DCDC2C: variants seen among roughly 807,000 people sequenced by gnomAD.
DCDC2C encodes the protein doublecortin domain-containing protein 2C.
Under a neutral mutation model 45.0 loss-of-function variants are expected in DCDC2C, and 44 were observed. The ratio of observed to expected loss-of-function variants is 0.98; its 90% CI spans 0.77 to 1.26. The LOEUF (loss-of-function observed/expected upper bound fraction) is 1.26, where lower values mean the gene tolerates loss of function less well. Among genes scored for constraint, DCDC2C ranks in the 50% most tolerant of loss-of-function variants. The pLI is 0.00. For missense variants in DCDC2C, 447 were observed against 468.9 expected (o/e 0.95, Z 0.43); for synonymous variants, 187 against 178.8 (o/e 1.05, Z -0.37).
At chr2:3,792,808 GA>G (rs1670853973) in intron 10 of DCDC2C, among the ~76,000 whole-genome samples, 1 of 152,140 alleles carries the variant, frequency 6.6e-6, no homozygotes, top group Admixed American at 6.6e-5. Flanking sequence ...GCAATTTAAG[GA>G]AAGAAAATCA....
At chr2:3,718,197 G>A (rs1668397787) in intron 2 of DCDC2C, among the ~76,000 whole-genome samples, 1 of 152,208 alleles carries the variant, frequency 6.6e-6, no homozygotes, top group East Asian at 1.9e-4. Context: ...AGCAGTGATT[G>A]AGTACTTACG....
At chr2:3,789,250 C>A (rs1367733345) in intron 10 of DCDC2C, among the ~76,000 whole-genome samples, 5 of 152,172 alleles carry the variant, frequency 3.3e-5, no homozygotes, top group Non-Finnish European at 2.9e-5. Context: ...AACTGCCAAG[C>A]ACCACACAAA....
In DCDC2C at chr2:3,785,082, T is replaced by C; in HGVS notation, c.1047T>C (p.Cys349=). 6 of 1,231,758 alleles carry C rather than the reference T, an allele frequency of 4.9e-6. No individual in the cohort carries two copies. The highest frequency in any genetic ancestry group is 6.1e-6 in the Non-Finnish European group (6 of 987,962). The allele number at this position is 1,231,758 out of a possible 1,614,324, so 76.3% of individuals were successfully genotyped here. The change falls in exon 10 of 11, where the codon TGT becomes TGC. Residue 349 remains cysteine (C), a synonymous_variant. Transcript: ENST00000399143. ...GNKDKEDARL[C]EDVERKMARE... Reference sequence around the variant, plus strand: ...AGGATAAAGAAGATGCAAGGCTTTGTGAAGACGTTGAAAGAAAGGTTTGTA... The same window carrying C: ...AGGATAAAGAAGATGCAAGGCTTTGCGAAGACGTTGAAAGAAAGGTTTGTA...
chr2:3,712,729 G>A (rs1668248076), intron 2 of DCDC2C, among the ~76,000 whole-genome samples: 1 of 152,094 alleles, frequency 6.6e-6, no homozygotes, highest in Non-Finnish European at 1.5e-5. Context: ...GGACTTCATG[G>A]GTTTCTTTGT....
intron 10 of DCDC2C, among the ~76,000 whole-genome samples, chr2:3,843,769 CT>C (rs1429530565): frequency 6.6e-6 from 1 of 152,162 alleles, no homozygotes; most frequent in Non-Finnish European, 1.5e-5. Context: ...TTCCCTGTGA[CT>C]TTTCAATTTT....
chr2:3,725,652 C>T lies in DCDC2C; in HGVS notation c.340-1351C>T, dbSNP rs113081651. ...GTGACGAGGATGGCCAGGTGGATCCCGGAGGGAGATGAGCAGAGAGTGAGG... is the reference window on the plus strand; with the variant it reads ...GTGACGAGGATGGCCAGGTGGATCCTGGAGGGAGATGAGCAGAGAGTGAGG... On this transcript the variant is annotated intron_variant, in intron 2 of 10. Coordinates refer to ENST00000399143, the MANE Select transcript of DCDC2C (RefSeq NM_001287444.2). Among the ~76,000 whole-genome samples the T allele has an allele frequency of 3.1e-3, 447 of 144,590 alleles. 7 individuals carry two copies. The highest frequency in any genetic ancestry group is 0.011 in the African/African-American group (414 of 38,206). 94.9% of individuals were successfully genotyped at this position (144,590 alleles called of 152,430 possible).
chr2:3,767,885 C>T lies in DCDC2C; in HGVS notation c.853+5C>T, dbSNP rs144678527. ...CTTTAGTCCAAAGGGGTGCAGGTGA[C>T]GTGCAGTTTCATTCTGCTGTAGGCA... On this transcript the variant is annotated splice_donor_5th_base_variant and intron_variant, in intron 7 of 10. Transcript: ENST00000399143. The T allele has an allele frequency of 4.2e-3, 6,340 of 1,501,338 alleles. 17 individuals carry two copies. The highest frequency in any genetic ancestry group is 4.9e-3 in the Non-Finnish European group (5,553 of 1,129,370). 93.0% of individuals were successfully genotyped at this position (1,501,338 alleles called of 1,614,324 possible). A position where few individuals can be genotyped will look rare whatever the true frequency, so the allele number is the denominator to read the frequency against.
At chr2:3,753,747 C>T (rs1669609712) in intron 5 of DCDC2C, among the ~76,000 whole-genome samples, 1 of 152,046 alleles carries the variant, frequency 6.6e-6, no homozygotes, top group Admixed American at 6.5e-5. Flanking sequence ...CCACTGAGGG[C>T]GCAGCGTCCG....
intron 6 of DCDC2C, among the ~76,000 whole-genome samples, chr2:3,766,748 A>G (rs1244997274): frequency 1.3e-5 from 2 of 152,228 alleles, no homozygotes; most frequent in Non-Finnish European, 2.9e-5. Flanking sequence ...TTCAGCCTGC[A>G]TTCACTTCCA....
chr2:3,721,184 G>A (rs2148062068), intron 2 of DCDC2C, among the ~76,000 whole-genome samples: 1 of 152,164 alleles, frequency 6.6e-6, no homozygotes, highest in South Asian at 2.1e-4. Flanking sequence ...TTCTCAAAGA[G>A]CCAGCTTTTG....
At chr2:3,750,623 T>C (rs1217918518) in intron 4 of DCDC2C, among the ~76,000 whole-genome samples, 2 of 152,164 alleles carry the variant, frequency 1.3e-5, no homozygotes, top group Admixed American at 6.5e-5. Flanking sequence ...CCGGGCGGTA[T>C]GGCCAGGTCT....
Position 3,710,703 on chromosome 2 carries a change from T to C in DCDC2C, c.339+2103T>C, listed in dbSNP as rs73140862. 7.2e-3 allele frequency among the ~76,000 whole-genome samples: 1,101 copies of C among 152,316 alleles called. 7 individuals are homozygous for C. The highest frequency in any genetic ancestry group is 0.025 in the African/African-American group (1,030 of 41,552). ...TTTACACCCATGAGTACCTACTGTT[T>C]AGTTCCCACTTACAGGTGAGAACAT... On this transcript the variant is annotated intron_variant, in intron 2 of 10. Coordinates refer to ENST00000399143, the MANE Select transcript of DCDC2C (RefSeq NM_001287444.2).
intron 10 of DCDC2C, among the ~76,000 whole-genome samples, chr2:3,816,681 A>G (rs1258208781): frequency 6.6e-6 from 1 of 152,228 alleles, no homozygotes; most frequent in Non-Finnish European, 1.5e-5. Flanking sequence ...GTGCCCTGTC[A>G]GCAAAGATTA....
chr2:3,730,465 C>T (rs187335624), intron 3 of DCDC2C, among the ~76,000 whole-genome samples: 55 of 152,076 alleles, frequency 3.6e-4, no homozygotes, highest in East Asian at 9.6e-4. Context: ...ACCATCATTA[C>T]GACAGAACAA....
chr2:3,731,091 A>G (rs1204916573), intron 3 of DCDC2C, among the ~76,000 whole-genome samples: 2 of 152,158 alleles, frequency 1.3e-5, no homozygotes, highest in African/African-American at 2.4e-5. Context: ...AGCTTGTCCT[A>G]AGTGGGAGAC....
At chr2:3,846,753 A>C (rs1286002997) in intron 10 of DCDC2C, among the ~76,000 whole-genome samples, 1 of 152,158 alleles carries the variant, frequency 6.6e-6, no homozygotes, top group Non-Finnish European at 1.5e-5. Flanking sequence ...AATGATCCAG[A>C]TTCAAACATT....
At chr2:3,805,232 C>T (rs1024006634) in intron 10 of DCDC2C, among the ~76,000 whole-genome samples, 1 of 152,166 alleles carries the variant, frequency 6.6e-6, no homozygotes, top group African/African-American at 2.4e-5. Context: ...TAATTTAGGG[C>T]GAACCATGGA....
chr2:3,800,461 T>TA (rs1671086988), intron 10 of DCDC2C, among the ~76,000 whole-genome samples: 2 of 152,378 alleles, frequency 1.3e-5, no homozygotes, highest in South Asian at 4.1e-4. Flanking sequence ...CAGTTGTTTT[T>TA]ATAGACATAA....
chr2:3,771,477 G>A (rs1212730930), intron 8 of DCDC2C, among the ~76,000 whole-genome samples: 1 of 151,958 alleles, frequency 6.6e-6, no homozygotes, highest in Non-Finnish European at 1.5e-5. Flanking sequence ...TCTCCTTGGG[G>A]GAATCACGGT....
Sources: allele counts gnomAD v4.1 joint callset (sites outside exome capture counted in the v4.1 genomes callset), GRCh38; gene constraint gnomAD v4.1.1; transcripts MANE v1.5; gene names NCBI Gene and HGNC (gene_info 2026-07-23, HGNC 2026-07-21).